Variants in PCDHGB7 observed in about 807,000 individuals in gnomAD.
PCDHGB7 encodes protocadherin gamma-B7.
Under a neutral mutation model 61.4 loss-of-function variants are expected in PCDHGB7, and 37 were observed. The observed-to-expected ratio is 0.60, with a 90% CI of 0.46 to 0.79. The LOEUF is 0.79. Among genes scored for constraint, PCDHGB7 ranks in the 30% least tolerant of loss-of-function variants. The pLI, the probability that PCDHGB7 is intolerant of heterozygous loss-of-function variation, is 0.00. For synonymous variants in PCDHGB7, 464 were observed against 503.5 expected, an observed-to-expected ratio of 0.92 and a Z score of 1.05; for missense variants, 1,166 against 1,202.5, an observed-to-expected ratio of 0.97 and a Z score of 0.45.
At chr5:141,469,044 A>C (rs1247890388) in intron 1 of PCDHGB7, among the ~76,000 whole-genome samples, 1 of 152,128 alleles carries the variant, frequency 6.6e-6, no homozygotes, top group East Asian at 1.9e-4. Context: ...TGGGAGGCCA[A>C]GGTGGGAGGA....
chr5:141,494,832 G>T lies in PCDHGB7; in HGVS notation c.2441G>T (p.Arg814Leu). 1 of 1,614,066 alleles carries T rather than the reference G, an allele frequency of 6.2e-7. No homozygotes were observed. ...CAAGCCCCGCCCAACACGGACTGGCGTTTCTCTCAGGCCCAGAGACCCGGC... is the reference window on the plus strand; with the variant it reads ...CAAGCCCCGCCCAACACGGACTGGCTTTTCTCTCAGGCCCAGAGACCCGGC... The part of the protein sequence containing the change: ...KQQAPPNTDW[R>L]FSQAQRPGTS... The change falls in exon 2 of 4, where the codon CGT becomes CTT. Residue 814 changes from arginine to leucine, a missense_variant. Transcript: ENST00000398594.
intron 1 of PCDHGB7, among the ~76,000 whole-genome samples, chr5:141,457,480 G>T (rs566798464): frequency 6.6e-6 from 1 of 152,148 alleles, no homozygotes; most frequent in African/African-American, 2.4e-5. Context: ...GCAGGGCCAG[G>T]GTTAGTCTAA....
At chr5:141,484,873 G>A (rs754469397) in intron 1 of PCDHGB7, 50 of 322,006 alleles carry the variant, frequency 1.6e-4, no homozygotes, top group Non-Finnish European at 2.5e-4. Flanking sequence ...GAGCGTGGAG[G>A]ATAGGGTGGG....
chr5:141,483,509 C>A (rs2099582178), intron 1 of PCDHGB7, among the ~76,000 whole-genome samples: 1 of 147,450 alleles, frequency 6.8e-6, no homozygotes, highest in African/African-American at 2.5e-5. Flanking sequence ...AGGCTGATCC[C>A]CCTAGATCCT....
intron 1 of PCDHGB7, among the ~76,000 whole-genome samples, chr5:141,480,875 T>C (rs1285607270): frequency 6.6e-6 from 1 of 152,062 alleles, no homozygotes; most frequent in African/African-American, 2.4e-5. Context: ...TGAAACCCCG[T>C]CTCTACTAAA....
In PCDHGB7 at chr5:141,485,539, G is replaced by T; in HGVS notation, c.2416-9268G>T. 6.2e-7 allele frequency: 1 copy of T among 1,614,104 alleles called. No individual in the cohort carries two copies. Among genetic ancestry groups the T allele is most frequent in the Non-Finnish European group, 8.5e-7 (1 of 1,179,998 alleles). On this transcript the variant is annotated intron_variant, in intron 1 of 3. Coordinates refer to ENST00000398594, the MANE Select transcript of PCDHGB7 (RefSeq NM_018927.4). This position sits in a 1 kb window ranked among gnomAD's most constrained non-coding sequence, Gnocchi z 5.7. ...TGGAAATGTACCGAGCAGAGGTAGA[G>T]ATCGTAGATGTGAATGATCACGCCC...
intron 1 of PCDHGB7, among the ~76,000 whole-genome samples, chr5:141,448,274 T>G (rs2098579713): frequency 6.6e-6 from 1 of 152,196 alleles, no homozygotes; most frequent in South Asian, 2.1e-4. Context: ...TATATACTGT[T>G]GTGCAACTTG....
At chr5:141,421,025 A>C (rs1047305594) in intron 1 of PCDHGB7, 4 of 526,168 alleles carry the variant, frequency 7.6e-6, no homozygotes, top group African/African-American at 5.9e-5. Context: ...GCTGCGCGCC[A>C]TTGAGTCCCT....
At chr5:141,428,792 T>A (rs1590880161) in intron 1 of PCDHGB7, 1 of 152,978 alleles carries the variant, frequency 6.5e-6, no homozygotes, top group Middle Eastern at 3.4e-3. Flanking sequence ...TTCCTTTCTG[T>A]GTGGGCCAGT....
chr5:141,435,792 A>G (rs2097780110), intron 1 of PCDHGB7, among the ~76,000 whole-genome samples: 1 of 152,074 alleles, frequency 6.6e-6, no homozygotes, highest in South Asian at 2.1e-4. Context: ...AGGGAAACAT[A>G]ACGTCCCAAT....
At position 141,511,520 on chromosome 5, in the gene PCDHGB7, A is replaced by C; in HGVS notation, c.*347A>C. On this transcript the variant is annotated 3_prime_UTR_variant, in exon 4 of 4. Coordinates refer to ENST00000398594, the MANE Select transcript of PCDHGB7 (RefSeq NM_018927.4). Reference sequence around the variant, plus strand: ...CAAATCAATCAGGCCCATCCATCCCATGCCTCCCTCCTCCCCACCCCACTC... The same window carrying C: ...CAAATCAATCAGGCCCATCCATCCCCTGCCTCCCTCCTCCCCACCCCACTC... The C allele has an allele frequency of 2.8e-6, 1 of 358,498 alleles. No homozygotes were observed. Among genetic ancestry groups the C allele is most frequent in the Non-Finnish European group, 5.3e-6 (1 of 189,848 alleles). 22.2% of individuals were successfully genotyped at this position (358,498 alleles called of 1,614,324 possible).
chr5:141,484,591 T>C (rs2099597977), intron 1 of PCDHGB7, among the ~76,000 whole-genome samples: 1 of 152,020 alleles, frequency 6.6e-6, no homozygotes, highest in African/African-American at 2.4e-5. Flanking sequence ...AAGCTACTCA[T>C]TTAGAATACT....
chr5:141,494,778 C>CA, intron 1 of PCDHGB7, 29 bp from the exon 2 acceptor site: 1 of 1,614,086 alleles, frequency 6.2e-7, no homozygotes, highest in Non-Finnish European at 8.5e-7. Context: ...CACGGGTACT[C>CA]AGCCCCTTTC....
At position 141,432,349 on chromosome 5, in the gene PCDHGB7, G is replaced by T; in HGVS notation, c.2415+12075G>T. On this transcript the variant is annotated intron_variant, in intron 1 of 3. Transcript: ENST00000398594. This position sits in a 1 kb window ranked among gnomAD's most constrained non-coding sequence, Gnocchi z 6.0. Reference sequence around the variant, plus strand: ...ACGAGCAGTTCCGAGACTTGCAAGTGAAAGTGATGGCGCGGGACAACGGGC... The same window carrying T: ...ACGAGCAGTTCCGAGACTTGCAAGTTAAAGTGATGGCGCGGGACAACGGGC... 4 of 1,614,240 alleles carry T rather than the reference G, an allele frequency of 2.5e-6. No homozygotes were observed. Among genetic ancestry groups the T allele is most frequent in the Non-Finnish European group, 1.7e-6 (2 of 1,180,046 alleles).
intron 1 of PCDHGB7, chr5:141,423,100 G>C (rs2096709499): frequency 6.2e-7 from 1 of 1,613,944 alleles, no homozygotes; most frequent in Non-Finnish European, 8.5e-7. Context: ...GGAGCACACG[G>C]GCGAGGTGCG....
chr5:141,484,121 C>A (rs1451102473), intron 1 of PCDHGB7, among the ~76,000 whole-genome samples: 1 of 152,152 alleles, frequency 6.6e-6, no homozygotes, highest in African/African-American at 2.4e-5. Context: ...TCAAGAATAC[C>A]TTGGTGTCAG....
At position 141,476,503 on chromosome 5, in the gene PCDHGB7, C is replaced by T. The variant is rs1259213742; in HGVS notation, c.2416-18304C>T. 2 of 1,614,138 alleles carry T rather than the reference C, an allele frequency of 1.2e-6. No individual in the cohort carries two copies. ...TGGAAGTGGTGATCCAGGACATCAA[C>T]GACAACAATCCTGCTTTCCCTACCC... On this transcript the variant is annotated intron_variant, in intron 1 of 3. Transcript: ENST00000398594. The surrounding 1 kb of genome is among the most constrained non-coding windows in gnomAD (Gnocchi z 7.6).
Position 141,491,274 on chromosome 5 carries a change from T to C in PCDHGB7, c.2416-3533T>C, listed in dbSNP as rs2099710140. On this transcript the variant is annotated intron_variant, in intron 1 of 3. Transcript: ENST00000398594. The surrounding 1 kb of genome is among the most constrained non-coding windows in gnomAD (Gnocchi z 6.9). ...ACCCTGAGGAAATGCCCAAATCCAG[T>C]GACTTCCTCATACACCCTCCTGAGC... The C allele has an allele frequency of 6.2e-7, 1 of 1,614,102 alleles. No individual in the cohort carries two copies. Among genetic ancestry groups the C allele is most frequent in the Non-Finnish European group, 8.5e-7 (1 of 1,179,914 alleles).
Position 141,431,199 on chromosome 5 carries a change from C to T in PCDHGB7, c.2415+10925C>T. 1 of 1,614,194 alleles carries T rather than the reference C, an allele frequency of 6.2e-7. No homozygotes were observed. Among genetic ancestry groups the T allele is most frequent in the East Asian group, 2.2e-5 (1 of 44,890 alleles). ...GAAATAAAAATTAGTGAAAATGCAG[C>T]CACTGAGATGCGGTTCCCTCTACCC... On this transcript the variant is annotated intron_variant, in intron 1 of 3. Transcript: ENST00000398594. This position sits in a 1 kb window ranked among gnomAD's most constrained non-coding sequence, Gnocchi z 4.8.
Sources: allele counts gnomAD v4.1 joint callset (sites outside exome capture counted in the v4.1 genomes callset), GRCh38; gene constraint gnomAD v4.1.1; non-coding constraint Gnocchi (gnomAD v3.1); transcripts MANE v1.5; gene names NCBI Gene and HGNC (gene_info 2026-07-23, HGNC 2026-07-21).